USP34: variants seen among roughly 807,000 people sequenced by gnomAD.
USP34 encodes ubiquitin carboxyl-terminal hydrolase 34.
In USP34, 70 loss-of-function variants were observed where a neutral mutation model predicts 460.3. The observed-to-expected ratio is 0.15, with a 90% CI of 0.13 to 0.19. The LOEUF is 0.19. Among genes scored for constraint, USP34 ranks in the 10% least tolerant of loss-of-function variants. USP34 has a pLI of 1.00. For missense variants in USP34, 3,985 were observed against 4,236.2 expected (o/e 0.94, Z 1.65); for synonymous variants, 1,647 against 1,405.3 (o/e 1.17, Z -3.85).
intron 1 of USP34, among the ~76,000 whole-genome samples, chr2:61,439,914 T>G (rs977492771): frequency 2.0e-5 from 3 of 152,158 alleles, no homozygotes; most frequent in Admixed American, 1.3e-4. Flanking sequence ...GGACAGGGAC[T>G]GCTGCTGGGC....
At position 61,235,866 on chromosome 2, in the gene USP34, A is replaced by G; in HGVS notation, c.7011T>C (p.Asn2337=). Residue 2337 remains asparagine (N), a synonymous_variant, in exon 57 of 80, where the codon AAT becomes AAC. Transcript: ENST00000398571. ...TTACCTCACAAGCTGCCTGACTATT[A>G]TTAAACTGTTTCGTCAACAGTTCAA... ...QWIELLTKQF[N]NSQAACEWFL... is the part of the protein sequence containing the mutation. 1.9e-6 allele frequency: 3 copies of G among 1,613,766 alleles called. No homozygotes were observed. Among genetic ancestry groups the G allele is most frequent in the Non-Finnish European group, 2.5e-6 (3 of 1,179,916 alleles).
At chr2:61,295,955 C>T (rs1690014550) in intron 30 of USP34, among the ~76,000 whole-genome samples, 1 of 152,128 alleles carries the variant, frequency 6.6e-6, no homozygotes, top group South Asian at 2.1e-4. Context: ...ACTTATTATA[C>T]AAATTTTAAA....
chr2:61,450,161 T>C (rs556571037), intron 1 of USP34, among the ~76,000 whole-genome samples: 7 of 152,142 alleles, frequency 4.6e-5, no homozygotes, highest in Admixed American at 1.3e-4. Context: ...GAAAGCATTA[T>C]GCTAAGTGAA....
chr2:61,443,384 T>C (rs1216970003), intron 1 of USP34, among the ~76,000 whole-genome samples: 1 of 152,024 alleles, frequency 6.6e-6, no homozygotes, highest in Non-Finnish European at 1.5e-5. Context: ...CATCACTATA[T>C]GATGAAATTT....
chr2:61,308,015 C>G (rs1189061840), intron 27 of USP34, among the ~76,000 whole-genome samples: 2 of 152,098 alleles, frequency 1.3e-5, no homozygotes, highest in East Asian at 3.9e-4. Flanking sequence ...TGCCACTTCA[C>G]TCTAGCCTGG....
intron 1 of USP34, among the ~76,000 whole-genome samples, chr2:61,460,596 T>TG (rs1281909060): frequency 6.6e-6 from 1 of 152,194 alleles, no homozygotes; most frequent in Non-Finnish European, 1.5e-5. Flanking sequence ...AGGTATCCAC[T>TG]GGAAGTCTCA....
intron 1 of USP34, among the ~76,000 whole-genome samples, chr2:61,460,802 G>A (rs1695575916): frequency 6.6e-6 from 1 of 152,020 alleles, no homozygotes; most frequent in Middle Eastern, 3.4e-3. Flanking sequence ...GGCCAACATG[G>A]AGAAACTCTG....
intron 1 of USP34, among the ~76,000 whole-genome samples, chr2:61,421,774 A>AACACACACAC (rs34490089): frequency 1.3e-5 from 2 of 149,184 alleles, no homozygotes; most frequent in African/African-American, 4.9e-5. Context: ...TTACATTTAA[A>AACACACACAC]ACACACACAC....
At chr2:61,439,617 G>C (rs1349541042) in intron 1 of USP34, among the ~76,000 whole-genome samples, 1 of 152,144 alleles carries the variant, frequency 6.6e-6, no homozygotes, top group African/African-American at 2.4e-5. Context: ...TATCTGACGG[G>C]GACTCCTGTG....
Position 61,221,618 on chromosome 2 carries a change from A to G in USP34, c.7795-12T>C, listed in dbSNP as rs748468920. ...AAAGGATTGGCTGCCTGTAAAACAC[A>G]TACATGACTGTGTATTTAGATCAAT... On this transcript the variant is annotated splice_polypyrimidine_tract_variant and intron_variant, in intron 65 of 79. Transcript: ENST00000398571. 6.2e-7 allele frequency: 1 copy of G among 1,612,540 alleles called. No homozygotes were observed. The highest frequency in any genetic ancestry group is 8.5e-7 in the Non-Finnish European group (1 of 1,178,928).
At chr2:61,225,265 AAC>A (rs1467072498) in intron 62 of USP34, among the ~76,000 whole-genome samples, 2 of 152,124 alleles carry the variant, frequency 1.3e-5, no homozygotes, top group South Asian at 2.1e-4. Flanking sequence ...CAATGACATT[AAC>A]AGTTACTTAT....
chr2:61,405,572 G>A, intron 3 of USP34, 136 bp downstream of exon 3: 1 of 909,226 alleles, frequency 1.1e-6, no homozygotes, highest in Non-Finnish European at 1.6e-6. Context: ...AAATGCTCTG[G>A]AGAAACATTA....
chr2:61,246,306 G>A lies in USP34; in HGVS notation c.6548+18C>T. On this transcript the variant is annotated intron_variant, in intron 50 of 79. Transcript: ENST00000398571. ...TACCATAAATTGTTAAAGAAGTTTTGAAATATTTAAAACTCACCATTTATT... is the reference window on the plus strand; with the variant it reads ...TACCATAAATTGTTAAAGAAGTTTTAAAATATTTAAAACTCACCATTTATT... 6.7e-7 allele frequency: 1 copy of A among 1,498,850 alleles called. No individual in the cohort carries two copies. Among genetic ancestry groups the A allele is most frequent in the African/African-American group, 1.4e-5 (1 of 70,880 alleles). 92.8% of individuals were successfully genotyped at this position (1,498,850 alleles called of 1,614,324 possible).
intron 21 of USP34, among the ~76,000 whole-genome samples, chr2:61,321,646 A>G (rs886221938): frequency 6.6e-6 from 1 of 152,202 alleles, no homozygotes; most frequent in Admixed American, 6.5e-5. Flanking sequence ...TTTAATACGA[A>G]TTTTCACATA....
chr2:61,392,897 ACT>A (rs766951088), intron 5 of USP34, among the ~76,000 whole-genome samples: 19 of 152,212 alleles, frequency 1.2e-4, no homozygotes, highest in Non-Finnish European at 2.5e-4. Flanking sequence ...AAATTGAGAT[ACT>A]TTCTCTCAGA....
chr2:61,324,975 T>C (rs1043144467), intron 21 of USP34, among the ~76,000 whole-genome samples: 1 of 152,154 alleles, frequency 6.6e-6, no homozygotes, highest in Non-Finnish European at 1.5e-5. Flanking sequence ...GCCATTATTC[T>C]AAGTGAACTA....
intron 58 of USP34, among the ~76,000 whole-genome samples, chr2:61,231,659 G>A (rs1687910079): frequency 6.6e-6 from 1 of 151,874 alleles, no homozygotes. Flanking sequence ...AAGCTGCAGT[G>A]AGCCATGAAG....
intron 57 of USP34, among the ~76,000 whole-genome samples, chr2:61,233,529 G>C (rs1344497919): frequency 6.6e-6 from 1 of 152,060 alleles, no homozygotes; most frequent in East Asian, 1.9e-4. Flanking sequence ...TAGATGACAA[G>C]AATAAATCAC....
chr2:61,386,625 C>A (rs1693153327), intron 5 of USP34, among the ~76,000 whole-genome samples: 1 of 151,980 alleles, frequency 6.6e-6, no homozygotes, highest in African/African-American at 2.4e-5. Flanking sequence ...CCCATCTATA[C>A]TAAAAATACA....
Sources: gnomAD v4.1 joint callset for allele counts (sites outside exome capture counted in the v4.1 genomes callset) on GRCh38, gnomAD v4.1.1 for gene constraint, MANE v1.5 for transcripts, NCBI Gene and HGNC (gene_info 2026-07-23, HGNC 2026-07-21) for gene names.